MFSD11: variants seen among roughly 807,000 people sequenced by gnomAD.
MFSD11 encodes major facilitator superfamily domain containing 11, also known as UNC93-like protein MFSD11.
In MFSD11, 36 loss-of-function variants were observed where a neutral mutation model predicts 53.5. The ratio of observed to expected loss-of-function variants is 0.67; its 90% confidence interval spans 0.52 to 0.89. The LOEUF is 0.89. Among genes scored for constraint, MFSD11 ranks in the 40% least tolerant of loss-of-function variants. The pLI is 0.00. For synonymous variants in MFSD11, 186 were observed against 184.9 expected (o/e 1.01, Z -0.05); for missense variants, 530 against 543.9 (o/e 0.97, Z 0.25).
intron 1 of MFSD11, 60 bp downstream of exon 1, chr17:76,738,508 A>G (rs768168445): frequency 3.8e-5 from 48 of 1,260,606 alleles, no homozygotes; most frequent in Admixed American, 2.8e-4. Flanking sequence ...TCCAGAAATG[A>G]AAATAAACGT....
At chr17:76,737,383 GCCCGCGCCA>G, upstream of MFSD11, 1 of 506,720 alleles carries the variant, frequency 2.0e-6, no homozygotes, top group Non-Finnish European at 3.4e-6. Flanking sequence ...ACAAAATGGC[GCCCGCGCCA>G]CCCGGAAATG....
At chr17:76,782,907 G>A (rs780627052), downstream of MFSD11, among the ~76,000 whole-genome samples, 3 of 151,924 alleles carry the variant, frequency 2.0e-5, no homozygotes, top group Admixed American at 6.6e-5. Flanking sequence ...GGCCAGGCAC[G>A]GTGGCTCACG....
chr17:76,743,673 A>G (rs2078296206), intron 6 of MFSD11, among the ~76,000 whole-genome samples: 1 of 152,080 alleles, frequency 6.6e-6, no homozygotes, highest in South Asian at 2.1e-4. Flanking sequence ...CTGGAATGCA[A>G]TGGTGCCATC....
At chr17:76,759,546 G>A (rs907195268) in intron 8 of MFSD11, among the ~76,000 whole-genome samples, 11 of 151,788 alleles carry the variant, frequency 7.2e-5, no homozygotes, top group African/African-American at 1.2e-4. Flanking sequence ...CCTCCGCCCC[G>A]CAGGTTTAAG....
At chr17:76,782,133 C>T (rs928493641), downstream of MFSD11, among the ~76,000 whole-genome samples, 1 of 150,456 alleles carries the variant, frequency 6.6e-6, no homozygotes, top group African/African-American at 2.4e-5. Context: ...CTCCCCCGCC[C>T]CCGGCCCCTG....
At chr17:76,753,986 G>A in intron 7 of MFSD11, 61 bp from the exon 8 acceptor site, 3 of 1,365,920 alleles carry the variant, frequency 2.2e-6, no homozygotes, top group South Asian at 2.5e-5. Context: ...AAATGTGATC[G>A]TATGTTTGTT....
At chr17:76,748,840 CCTCT>C (rs1455249540) in intron 7 of MFSD11, among the ~76,000 whole-genome samples, 1 of 151,968 alleles carries the variant, frequency 6.6e-6, no homozygotes, top group African/African-American at 2.4e-5. Context: ...TTCTTTCCTC[CCTCT>C]ATCCTTTCAC....
At chr17:76,766,381 T>C (rs2080858050) in intron 8 of MFSD11, among the ~76,000 whole-genome samples, 1 of 143,220 alleles carries the variant, frequency 7.0e-6, no homozygotes, top group Non-Finnish European at 1.5e-5. Context: ...ATCGCGCCAC[T>C]CTACTCCAGC....
intron 1 of MFSD11, among the ~76,000 whole-genome samples, chr17:76,738,705 T>G (rs1159337369): frequency 6.6e-6 from 1 of 152,246 alleles, no homozygotes; most frequent in Non-Finnish European, 1.5e-5. Context: ...TCGTCTGTAT[T>G]AAGCGCTTCC....
chr17:76,774,238 A>AAT (rs1367429234), intron 10 of MFSD11, among the ~76,000 whole-genome samples: 3 of 152,054 alleles, frequency 2.0e-5, no homozygotes, highest in Non-Finnish European at 2.9e-5. Flanking sequence ...CTTTTTAAAA[A>AAT]ATATATATAC....
intron 7 of MFSD11, among the ~76,000 whole-genome samples, chr17:76,753,716 G>GAA (rs1016103174): frequency 6.7e-6 from 1 of 149,634 alleles, no homozygotes; most frequent in Admixed American, 6.7e-5. Flanking sequence ...AAGAAAGAAA[G>GAA]AAAGTGAAAG....
the MFSD11 span, among the ~76,000 whole-genome samples, chr17:76,796,737 C>T: frequency 6.8e-6 from 1 of 146,756 alleles, no homozygotes; most frequent in African/African-American, 2.5e-5. Context: ...CTTTGGAGGC[C>T]GAAGTGGATC....
At chr17:76,773,157 A>G (rs2081520357) in intron 10 of MFSD11, 1 of 152,246 alleles carries the variant, frequency 6.6e-6, no homozygotes, top group Non-Finnish European at 1.5e-5. Context: ...AGCTCTCTGG[A>G]ATTGTTTTTC....
At chr17:76,761,466 A>ATAG in intron 8 of MFSD11, among the ~76,000 whole-genome samples, 1 of 152,304 alleles carries the variant, frequency 6.6e-6, no homozygotes, top group East Asian at 1.9e-4. Context: ...TAGCCATAAA[A>ATAG]ATTATCTCTG....
Position 76,778,401 on chromosome 17 carries a change from A to T in MFSD11, c.*49A>T. The T allele has an allele frequency of 6.3e-7, 1 of 1,590,948 alleles. No individual in the cohort carries two copies. The highest frequency in any genetic ancestry group is 1.1e-5 in the South Asian group (1 of 90,182). On this transcript the variant is annotated 3_prime_UTR_variant, in exon 13 of 13. Coordinates refer to ENST00000685175, the MANE Select transcript of MFSD11 (RefSeq NM_001242532.5). ...TATGACCTCAGAAACACAGCTGGAC[A>T]CAGAGCTTGGTGGAAGAAGTCGCCT...
chr17:76,775,393 T>G (rs1004627920), intron 11 of MFSD11, among the ~76,000 whole-genome samples: 1 of 152,176 alleles, frequency 6.6e-6, no homozygotes, highest in Non-Finnish European at 1.5e-5. Context: ...CCACTAAATC[T>G]TTTTCTTGAT....
chr17:76,768,555 G>C (rs192602270), intron 9 of MFSD11, among the ~76,000 whole-genome samples: 1 of 152,074 alleles, frequency 6.6e-6, no homozygotes, highest in African/African-American at 2.4e-5. Flanking sequence ...AGGGAATCAA[G>C]GTCCCCTACT....
intron 6 of MFSD11, 64 bp downstream of exon 6, chr17:76,743,520 T>TTGCTTTATTC: frequency 1.0e-6 from 1 of 989,114 alleles, no homozygotes; most frequent in African/African-American, 1.7e-5. Flanking sequence ...TATATAGAAA[T>TTGCTTTATTC]ACCCATTATT....
At chr17:76,777,267 C>CAAAAAA (rs1055404399) in intron 12 of MFSD11, among the ~76,000 whole-genome samples, 1 of 57,976 alleles carries the variant, frequency 1.7e-5, no homozygotes, top group Admixed American at 1.8e-4. Context: ...GACTCCGTCT[C>CAAAAAA]AAAAAAAAAA....
Sources: gnomAD v4.1 joint callset for allele counts (sites outside exome capture counted in the v4.1 genomes callset) on GRCh38, gnomAD v4.1.1 for gene constraint, MANE v1.5 for transcripts, NCBI Gene and HGNC (gene_info 2026-07-23, HGNC 2026-07-21) for gene names.